The following AKAP12 variants were observed in gnomAD, a reference collection of about 807,000 sequenced individuals.
AKAP12 encodes the protein A-kinase anchor protein 12.
In AKAP12, 32 loss-of-function variants were observed where a neutral mutation model predicts 79.9. The ratio of observed to expected loss-of-function variants is 0.40; its 90% CI spans 0.30 to 0.54. The LOEUF (loss-of-function observed/expected upper bound fraction) is 0.54, where lower values mean the gene tolerates loss of function less well. Among genes scored for constraint, AKAP12 ranks in the 20% least tolerant of loss-of-function variants. The probability of loss-of-function intolerance (pLI) is 0.48; values close to 1 mark genes in which losing one functional copy is unlikely to be tolerated. For missense variants in AKAP12, 2,074 were observed against 2,177.0 expected (o/e 0.95, Z 0.94); for synonymous variants, 808 against 857.0 (o/e 0.94, Z 1.00).
chr6:151,332,503 TA>T (rs1777702181), intron 3 of AKAP12, among the ~76,000 whole-genome samples: 1 of 152,208 alleles, frequency 6.6e-6, no homozygotes, highest in South Asian at 2.1e-4. Context: ...AGCATGTGAT[TA>T]GGTGTCTCCA....
chr6:151,253,847 C>G (rs984457294), intron 2 of AKAP12, among the ~76,000 whole-genome samples: 1 of 151,970 alleles, frequency 6.6e-6, no homozygotes, highest in Non-Finnish European at 1.5e-5. Context: ...GCTGGAATTA[C>G]AGGTGTGAGC....
rs551898955 is a variant in AKAP12 at position 151,263,596 on chromosome 6, T to G, written c.162+22872T>G. On this transcript the variant is annotated intron_variant, in intron 2 of 4. Transcript: ENST00000402676. ...TCTTTTCTTTTCTTTTTTATTTTTA[T>G]TTTTTTGAGTTTCACTCTGTTGCCC... is the stretch of plus-strand genomic sequence containing the variant. Among the ~76,000 whole-genome samples, 11 of 152,054 alleles carry G rather than the reference T, an allele frequency of 7.2e-5. No homozygotes were observed. The East Asian group carries it at 1.4e-3, about 19-fold the overall frequency.
intron 2 of AKAP12, among the ~76,000 whole-genome samples, chr6:151,269,001 T>A (rs556709511): frequency 3.5e-5 from 5 of 142,262 alleles, no homozygotes; most frequent in Non-Finnish European, 7.7e-5. Flanking sequence ...AAACCCTTAC[T>A]TTAATATTAC....
intron 3 of AKAP12, among the ~76,000 whole-genome samples, chr6:151,318,935 C>T (rs927818637): frequency 3.3e-5 from 5 of 152,028 alleles, no homozygotes; most frequent in African/African-American, 7.3e-5. Flanking sequence ...GAGACCCTGT[C>T]TCTAAGAAAA....
chr6:151,300,357 T>C (rs926559), intron 2 of AKAP12, among the ~76,000 whole-genome samples: 65,166 of 151,954 alleles, frequency 0.43, 14,637 homozygotes, highest in East Asian at 0.7. Flanking sequence ...CCTCGTCTAC[T>C]GTGTGAACTG....
intron 2 of AKAP12, among the ~76,000 whole-genome samples, chr6:151,285,486 A>G (rs1039006201): frequency 6.6e-6 from 1 of 151,926 alleles, no homozygotes; most frequent in Non-Finnish European, 1.5e-5. Flanking sequence ...GGAAAAGATG[A>G]AAAAAGGATT....
chr6:151,262,567 A>G (rs1409874756), intron 2 of AKAP12, among the ~76,000 whole-genome samples: 1 of 151,690 alleles, frequency 6.6e-6, no homozygotes, highest in South Asian at 2.1e-4. Flanking sequence ...TGCATCAGAA[A>G]CATGGCTAAA....
chr6:151,288,119 C>T (rs773077393), intron 2 of AKAP12, among the ~76,000 whole-genome samples: 1 of 151,538 alleles, frequency 6.6e-6, no homozygotes, highest in East Asian at 1.9e-4. Context: ...ATGTAGTTGA[C>T]GGGTTGATGG....
intron 3 of AKAP12, among the ~76,000 whole-genome samples, chr6:151,344,595 A>G (rs1196410581): frequency 6.6e-6 from 1 of 151,436 alleles, no homozygotes; most frequent in Non-Finnish European, 1.5e-5. Flanking sequence ...GTGCAATGGC[A>G]TGATCTTGGC....
intron 3 of AKAP12, among the ~76,000 whole-genome samples, chr6:151,327,699 A>T (rs1777564641): frequency 6.6e-6 from 1 of 152,226 alleles, no homozygotes; most frequent in Non-Finnish European, 1.5e-5. Context: ...ATCCCAATGG[A>T]GTGATAAATG....
intron 3 of AKAP12, among the ~76,000 whole-genome samples, chr6:151,313,378 G>A (rs1554328294): frequency 6.6e-6 from 1 of 152,170 alleles, no homozygotes; most frequent in Non-Finnish European, 1.5e-5. Flanking sequence ...GTTTTGTAAT[G>A]TTTTGAAGAC....
intron 2 of AKAP12, among the ~76,000 whole-genome samples, chr6:151,252,082 A>G (rs1385220906): frequency 2.0e-5 from 3 of 152,178 alleles, no homozygotes; most frequent in African/African-American, 7.2e-5. Context: ...GCTTCCGTGA[A>G]CTCAAAGCAT....
chr6:151,323,484 C>G (rs1777450837), intron 3 of AKAP12, among the ~76,000 whole-genome samples: 1 of 150,378 alleles, frequency 6.6e-6, no homozygotes, highest in African/African-American at 2.5e-5. Flanking sequence ...ACCCGGGGGT[C>G]AGAGGTTGCA....
chr6:151,350,599 T>G lies in AKAP12; in HGVS notation c.2208T>G (p.Asp736Glu). 6.2e-7 allele frequency: 1 copy of G among 1,613,894 alleles called. No individual in the cohort carries two copies. Among genetic ancestry groups the G allele is most frequent in the Non-Finnish European group, 8.5e-7 (1 of 1,179,964 alleles). The change falls in exon 4 of 5, where the codon GAT becomes GAG. Residue 736 changes from aspartate to glutamate, a missense_variant. Asp to Glu is a conservative substitution (Grantham distance 45). Transcript: ENST00000402676. This position sits in a 1 kb window ranked among gnomAD's most constrained non-coding sequence, Gnocchi z 4.8. The stretch of plus-strand genomic sequence containing the variant: ...TCCTTGCTGGTTCCCAAGAACATGA[T>G]CCAGGGCAGGGAAGTTCCTCCCCGG... ...DGILAGSQEH[D>E]PGQGSSSPEQ...
intron 2 of AKAP12, among the ~76,000 whole-genome samples, chr6:151,250,466 C>T (rs1270544328): frequency 6.6e-6 from 1 of 151,304 alleles, no homozygotes; most frequent in Non-Finnish European, 1.5e-5. Flanking sequence ...CACCACTGCA[C>T]TCCAGCCTGG....
intron 2 of AKAP12, among the ~76,000 whole-genome samples, chr6:151,293,329 G>T (rs551319145): frequency 6.6e-6 from 1 of 152,328 alleles, no homozygotes; most frequent in Non-Finnish European, 1.5e-5. Flanking sequence ...CTATGAATTT[G>T]CTGGTGCAGG....
At chr6:151,305,567 T>C (rs916384111) in intron 2 of AKAP12, among the ~76,000 whole-genome samples, 180 bp from the exon 3 acceptor site, 7 of 152,192 alleles carry the variant, frequency 4.6e-5, no homozygotes, top group Admixed American at 1.3e-4. Context: ...CAAGGCCCTA[T>C]CTGCTTGTAA....
At chr6:151,253,123 G>T (rs1338539225) in intron 2 of AKAP12, among the ~76,000 whole-genome samples, 2 of 152,120 alleles carry the variant, frequency 1.3e-5, no homozygotes, top group Non-Finnish European at 1.5e-5. Flanking sequence ...AATTTCTATT[G>T]TCACTCCCTG....
chr6:151,316,095 G>A (rs977715026), intron 3 of AKAP12, among the ~76,000 whole-genome samples: 3 of 152,178 alleles, frequency 2.0e-5, no homozygotes, highest in Non-Finnish European at 2.9e-5. Flanking sequence ...CTTTGATAAT[G>A]TCTGAAGATA....
Sources: gnomAD v4.1 joint callset for allele counts (sites outside exome capture counted in the v4.1 genomes callset) on GRCh38, gnomAD v4.1.1 for gene constraint, Gnocchi (gnomAD v3.1) non-coding constraint, MANE v1.5 for transcripts, NCBI Gene and HGNC (gene_info 2026-07-23, HGNC 2026-07-21) for gene names.